Variants in LDB2 observed in about 807,000 individuals in gnomAD.
LDB2 encodes the protein LIM domain binding 2, also known as LIM domain-binding protein 2.
In LDB2, 12 loss-of-function variants were observed where a neutral mutation model predicts 44.3. The observed-to-expected ratio is 0.27, with a 90% CI of 0.17 to 0.44. The LOEUF is 0.44. LDB2 is among the 20% of genes least tolerant of loss of function. LDB2 has a pLI of 1.00. For missense variants in LDB2, 344 were observed against 473.5 expected (o/e 0.73, Z 2.54); for synonymous variants, 164 against 174.8 (o/e 0.94, Z 0.49).
At chr4:16,703,930 C>T (rs916705455) in intron 2 of LDB2, among the ~76,000 whole-genome samples, 2 of 152,192 alleles carry the variant, frequency 1.3e-5, no homozygotes. Flanking sequence ...GCAACCATTT[C>T]TCTATCTAAC....
chr4:16,628,384 G>T (rs775929436), intron 2 of LDB2, among the ~76,000 whole-genome samples: 1 of 152,146 alleles, frequency 6.6e-6, no homozygotes, highest in Non-Finnish European at 1.5e-5. Flanking sequence ...TCCAGGAGAA[G>T]CTCACCATCT....
chr4:16,704,061 C>T (rs1387250062), intron 2 of LDB2, among the ~76,000 whole-genome samples: 1 of 152,146 alleles, frequency 6.6e-6, no homozygotes, highest in Non-Finnish European at 1.5e-5. Context: ...GATACTTCCT[C>T]CCTGGAATCT....
intron 7 of LDB2, chr4:16,505,732 C>T: frequency 9.1e-7 from 1 of 1,100,442 alleles, no homozygotes; most frequent in Non-Finnish European, 1.3e-6. Context: ...CATATGCCCT[C>T]AGCTCCCCAC....
intron 2 of LDB2, among the ~76,000 whole-genome samples, chr4:16,753,610 C>G (rs569712224): frequency 8.5e-5 from 13 of 152,292 alleles, no homozygotes; most frequent in Admixed American, 5.2e-4. Context: ...GATGACATTT[C>G]TTAAAACAAC....
chr4:16,602,034 G>C (rs1486974650), intron 2 of LDB2, among the ~76,000 whole-genome samples: 1 of 152,046 alleles, frequency 6.6e-6, no homozygotes, highest in East Asian at 1.9e-4. Flanking sequence ...TTATAAATTG[G>C]CATGACTTTC....
At chr4:16,625,995 A>T (rs900562069) in intron 2 of LDB2, among the ~76,000 whole-genome samples, 11 of 152,156 alleles carry the variant, frequency 7.2e-5, no homozygotes, top group Non-Finnish European at 1.3e-4. Flanking sequence ...ATAGGTTGAT[A>T]CAGGACAGGG....
chr4:16,525,623 T>A (rs549157771), intron 5 of LDB2, among the ~76,000 whole-genome samples: 4 of 152,348 alleles, frequency 2.6e-5, no homozygotes, highest in African/African-American at 9.6e-5. Flanking sequence ...GTGCTCTTTA[T>A]TTGTTCTAGG....
chr4:16,596,085 A>G (rs1003765102), intron 2 of LDB2, among the ~76,000 whole-genome samples: 11 of 152,192 alleles, frequency 7.2e-5, no homozygotes, highest in Non-Finnish European at 1.6e-4. Flanking sequence ...AAATGCGTCC[A>G]GTCATCTCTC....
chr4:16,754,209 G>C (rs979760122), intron 2 of LDB2, among the ~76,000 whole-genome samples: 1 of 152,144 alleles, frequency 6.6e-6, no homozygotes, highest in African/African-American at 2.4e-5. Context: ...CCACTTACTA[G>C]AAGCGAGAGT....
At chr4:16,591,853 A>G (rs1483575740) in intron 3 of LDB2, among the ~76,000 whole-genome samples, 1 of 151,838 alleles carries the variant, frequency 6.6e-6, no homozygotes, top group Non-Finnish European at 1.5e-5. Context: ...CAATTAATGT[A>G]GCTTTTATCT....
In LDB2 at chr4:16,582,335, C is replaced by T. The variant is rs941710155; in HGVS notation, c.615+3587G>A. Among the ~76,000 whole-genome samples, 4 of 152,172 alleles carry T rather than the reference C, an allele frequency of 2.6e-5. No individual in the cohort carries two copies. The highest frequency in any genetic ancestry group is 9.7e-5 in the African/African-American group (4 of 41,436). The stretch of plus-strand genomic sequence containing the variant: ...GCTCCACAGCCAGGTCTCATTGACC[C>T]GGATGGCCCAATGCGCACTAAACTG... On this transcript the variant is annotated intron_variant, in intron 5 of 7. Coordinates refer to ENST00000304523, the MANE Select transcript of LDB2 (RefSeq NM_001290.5). This position sits in a 1 kb window ranked among gnomAD's most constrained non-coding sequence, Gnocchi z 4.8.
intron 2 of LDB2, among the ~76,000 whole-genome samples, chr4:16,735,089 TC>T (rs1270172787): frequency 1.3e-5 from 2 of 152,138 alleles, no homozygotes; most frequent in Non-Finnish European, 2.9e-5. Context: ...TCATCATTCC[TC>T]CATGACAGTG....
At chr4:16,557,873 C>G (rs1052866193) in intron 5 of LDB2, among the ~76,000 whole-genome samples, 16 of 152,208 alleles carry the variant, frequency 1.1e-4, no homozygotes, top group Non-Finnish European at 2.9e-5. Flanking sequence ...ACAAAACTTC[C>G]AGAGGAACGA....
At position 16,589,635 on chromosome 4, in the gene LDB2, A is replaced by C. The variant is rs79747157; in HGVS notation, c.409-803T>G. ...TCCTATTTTATTTACCATTCCTTTCACTATTAACAACTTTGAAATGAAGGA... is the reference window on the plus strand; with the variant it reads ...TCCTATTTTATTTACCATTCCTTTCCCTATTAACAACTTTGAAATGAAGGA... On this transcript the variant is annotated intron_variant, in intron 3 of 7. Transcript: ENST00000304523. 5.3e-3 allele frequency among the ~76,000 whole-genome samples: 808 copies of C among 152,102 alleles called. 11 individuals are homozygous for C. Among genetic ancestry groups the C allele is most frequent in the African/African-American group, 0.019 (781 of 41,474 alleles).
chr4:16,512,181 T>A, intron 5 of LDB2, 77 bp from the exon 6 acceptor site: 2 of 1,285,618 alleles, frequency 1.6e-6, no homozygotes, highest in Non-Finnish European at 2.1e-6. Context: ...ACAGCTGGAA[T>A]CAAGTAGACA....
chr4:16,614,298 C>T (rs927178353), intron 2 of LDB2, among the ~76,000 whole-genome samples: 5 of 152,062 alleles, frequency 3.3e-5, no homozygotes, highest in Non-Finnish European at 1.5e-5. Flanking sequence ...AAATGTAAAA[C>T]CCAAAACCAT....
intron 5 of LDB2, among the ~76,000 whole-genome samples, chr4:16,568,629 T>C (rs938284489): frequency 6.6e-6 from 1 of 152,146 alleles, no homozygotes; most frequent in Non-Finnish European, 1.5e-5. Flanking sequence ...AGGAGATTGG[T>C]TCCAGGACCC....
chr4:16,809,296 A>G (rs1428160902), intron 1 of LDB2, among the ~76,000 whole-genome samples: 1 of 152,178 alleles, frequency 6.6e-6, no homozygotes, highest in East Asian at 1.9e-4. Context: ...TATAAGCTCA[A>G]TTATGGTATT....
At chr4:16,882,996 T>G (rs1360857800) in intron 1 of LDB2, among the ~76,000 whole-genome samples, 1 of 152,246 alleles carries the variant, frequency 6.6e-6, no homozygotes, top group Non-Finnish European at 1.5e-5. Flanking sequence ...TGCATTTGCA[T>G]TTCGAGCTTA....
Sources: allele counts gnomAD v4.1 joint callset (sites outside exome capture counted in the v4.1 genomes callset), GRCh38; gene constraint gnomAD v4.1.1; non-coding constraint Gnocchi (gnomAD v3.1); transcripts MANE v1.5; gene names NCBI Gene and HGNC (gene_info 2026-07-23, HGNC 2026-07-21).